The following PLEKHH2 variants were observed in gnomAD, a reference collection of about 807,000 sequenced individuals.
PLEKHH2 encodes pleckstrin homology domain-containing family H member 2.
Under a neutral mutation model 187.9 loss-of-function variants are expected in PLEKHH2, and 129 were observed. The ratio of observed to expected loss-of-function variants is 0.69; its 90% confidence interval spans 0.59 to 0.79. The LOEUF is 0.79. Ranked by LOEUF, PLEKHH2 falls within the 30% of genes least tolerant of loss-of-function variation. The pLI, the probability that PLEKHH2 is intolerant of heterozygous loss-of-function variation, is 0.00. For synonymous variants in PLEKHH2, 686 were observed against 605.6 expected (o/e 1.13, Z -1.95); for missense variants, 2,076 against 1,751.2 (o/e 1.19, Z -3.31).
intron 18 of PLEKHH2, 64 bp downstream of exon 18, chr2:43,729,809 C>A (rs375055400): frequency 1.7e-6 from 2 of 1,148,900 alleles, no homozygotes; most frequent in East Asian, 2.7e-5. Flanking sequence ...CCCGCTTAGC[C>A]TAATGGAGTT....
Position 43,699,750 on chromosome 2 carries a change from A to G in PLEKHH2, c.792A>G (p.Lys264=), listed in dbSNP as rs1482977952. The G allele has an allele frequency of 6.2e-7, 1 of 1,614,214 alleles. No homozygotes were observed. The highest frequency in any genetic ancestry group is 1.1e-5 in the South Asian group (1 of 91,076). ...CTTGTGGCTCAGAACAGAATCGGAAAACAAGAACAAGCTTTGCCACAGATG... is the reference window on the plus strand; with the variant it reads ...CTTGTGGCTCAGAACAGAATCGGAAGACAAGAACAAGCTTTGCCACAGATG... The part of the protein sequence containing the change: ...QTPCGSEQNR[K]TRTSFATDGG... Residue 264 remains lysine, a synonymous_variant, in exon 8 of 30, where the codon AAA becomes AAG. Transcript: ENST00000282406.
intron 2 of PLEKHH2, among the ~76,000 whole-genome samples, chr2:43,646,772 G>A (rs996872980): frequency 6.6e-6 from 1 of 150,388 alleles, no homozygotes; most frequent in Non-Finnish European, 1.5e-5. Context: ...ATGTTATTTC[G>A]GAATTGCTGT....
chr2:43,650,793 G>C (rs1051234680), intron 2 of PLEKHH2, among the ~76,000 whole-genome samples: 8 of 151,688 alleles, frequency 5.3e-5, no homozygotes, highest in Admixed American at 2.0e-4. Context: ...CTACAGTCAT[G>C]CATCACCATG....
chr2:43,694,596 G>C, intron 5 of PLEKHH2, 82 bp downstream of exon 5: 1 of 1,377,796 alleles, frequency 7.3e-7, no homozygotes, highest in Non-Finnish European at 9.6e-7. Flanking sequence ...TGATTACTCT[G>C]AGTAAAACAA....
chr2:43,722,603 C>A (rs1381466847), intron 16 of PLEKHH2, among the ~76,000 whole-genome samples: 6 of 152,122 alleles, frequency 3.9e-5, no homozygotes, highest in Non-Finnish European at 7.4e-5. Context: ...GAGGTTCTGG[C>A]AAATACAGTT....
chr2:43,710,584 C>CTTTT lies in PLEKHH2; in HGVS notation c.2301+30_2301+33dup, dbSNP rs376851824. ...ACAAACAAACAGTTCAGGTACTTAA[C>CTTTT]TTTTTTTTTTTTTTTTTTTTTTTTG... On this transcript the variant is annotated intron_variant, in intron 14 of 29. Coordinates refer to ENST00000282406, the MANE Select transcript of PLEKHH2 (RefSeq NM_172069.4). 2.9e-3 allele frequency: 3,599 copies of CTTTT among 1,239,108 alleles called. 2 individuals carry two copies. The highest frequency in any genetic ancestry group is 9.2e-3 in the South Asian group (487 of 52,832). The allele number at this position is 1,239,108 out of a possible 1,614,324, so 76.8% of individuals were successfully genotyped here.
At chr2:43,763,843 C>A (rs555125995) in intron 28 of PLEKHH2, among the ~76,000 whole-genome samples, 2 of 152,080 alleles carry the variant, frequency 1.3e-5, no homozygotes, top group East Asian at 3.9e-4. Context: ...CAATACTTGA[C>A]CATTTTGACC....
chr2:43,710,361 T>C (rs17414174), intron 13 of PLEKHH2, 31 bp downstream of exon 13: 298,536 of 1,601,222 alleles, frequency 0.19, 29,391 homozygotes, highest in Middle Eastern at 0.2. Context: ...GTTTAGAACG[T>C]AATTCCTCAA....
At chr2:43,681,856 G>C (rs1045658017) in intron 3 of PLEKHH2, among the ~76,000 whole-genome samples, 10 of 152,178 alleles carry the variant, frequency 6.6e-5, no homozygotes, top group African/African-American at 9.7e-5. Flanking sequence ...ATAGGGTAGA[G>C]TAAGTGCCTA....
chr2:43,681,143 A>G, intron 3 of PLEKHH2: 2 of 767,400 alleles, frequency 2.6e-6, no homozygotes, highest in African/African-American at 1.7e-5. Context: ...AGCCTCCTGC[A>G]ACACTCTAAT....
intron 2 of PLEKHH2, chr2:43,676,466 G>T (rs1017199958): frequency 9.3e-6 from 6 of 641,898 alleles, no homozygotes; most frequent in East Asian, 5.5e-5. Context: ...CGTAGAGAAG[G>T]GGGCGGGGCA....
At chr2:43,744,338 A>G (rs189856856) in intron 23 of PLEKHH2, among the ~76,000 whole-genome samples, 4 of 152,308 alleles carry the variant, frequency 2.6e-5, no homozygotes, top group African/African-American at 7.2e-5. Context: ...ATTTTATTGT[A>G]TCCCAGGGGC....
chr2:43,666,333 C>T (rs1250233368), intron 2 of PLEKHH2, among the ~76,000 whole-genome samples: 3 of 151,144 alleles, frequency 2.0e-5, no homozygotes, highest in East Asian at 1.9e-4. Context: ...TGCTTCGGCT[C>T]GCGCACGGTG....
intron 14 of PLEKHH2, 122 bp downstream of exon 14, chr2:43,710,697 A>T (rs112203425): frequency 6.0e-5 from 87 of 1,451,240 alleles, no homozygotes; most frequent in Non-Finnish European, 5.8e-5. Flanking sequence ...TTGGGGGGTT[A>T]GTTTGATGCC....
intron 24 of PLEKHH2, among the ~76,000 whole-genome samples, chr2:43,753,174 C>T (rs377198515): frequency 6.6e-6 from 1 of 152,138 alleles, no homozygotes; most frequent in Non-Finnish European, 1.5e-5. Context: ...TATTTAATTT[C>T]GCTTGATGTC....
At chr2:43,753,831 A>T in intron 25 of PLEKHH2, 71 bp downstream of exon 25, 1 of 1,212,488 alleles carries the variant, frequency 8.2e-7, no homozygotes, top group Non-Finnish European at 1.1e-6. Flanking sequence ...AATTAAACGT[A>T]AAATAATATA....
intron 20 of PLEKHH2, chr2:43,740,693 CACCTTGTCTGCTTGT>C: frequency 2.8e-6 from 1 of 353,858 alleles, no homozygotes; most frequent in Non-Finnish European, 4.5e-6. Context: ...CAAAAAGGAG[CACCTTGTCTGCTTGT>C]GCCTTGGTTC....
intron 10 of PLEKHH2, among the ~76,000 whole-genome samples, chr2:43,706,987 G>C (rs1228289005): frequency 1.3e-5 from 2 of 152,098 alleles, no homozygotes; most frequent in Non-Finnish European, 2.9e-5. Context: ...CACGAGGTCA[G>C]GAGTTCGAGA....
At chr2:43,656,412 T>A (rs1429673601) in intron 2 of PLEKHH2, among the ~76,000 whole-genome samples, 1 of 151,774 alleles carries the variant, frequency 6.6e-6, no homozygotes, top group Non-Finnish European at 1.5e-5. Context: ...GCTGAGACAC[T>A]GAATTTCTCC....
Sources: gnomAD v4.1 joint callset for allele counts (sites outside exome capture counted in the v4.1 genomes callset) on GRCh38, gnomAD v4.1.1 for gene constraint, MANE v1.5 for transcripts, NCBI Gene and HGNC (gene_info 2026-07-23, HGNC 2026-07-21) for gene names.